The following TBC1D9 variants were observed in gnomAD, a reference collection of about 807,000 sequenced individuals.
The protein encoded by TBC1D9 is TBC1 domain family member 9A.
Under a neutral mutation model 132.0 loss-of-function variants are expected in TBC1D9, and 63 were observed. The ratio of observed to expected loss-of-function variants is 0.48; its 90% confidence interval spans 0.39 to 0.59. The LOEUF (loss-of-function observed/expected upper bound fraction) is 0.59, where lower values mean the gene tolerates loss of function less well. Ranked by LOEUF, TBC1D9 falls within the 20% of genes least tolerant of loss-of-function variation. The probability of loss-of-function intolerance (pLI) is 0.00; values close to 1 mark genes in which losing one functional copy is unlikely to be tolerated. For missense variants in TBC1D9, 1,261 were observed against 1,592.7 expected (o/e 0.79, Z 3.54); for synonymous variants, 610 against 609.9 (o/e 1.00, Z 0.00).
chr4:140,625,702 T>C (rs779496412), intron 18 of TBC1D9, among the ~76,000 whole-genome samples: 3 of 152,254 alleles, frequency 2.0e-5, no homozygotes, highest in Non-Finnish European at 4.4e-5. Flanking sequence ...TATATAGCCA[T>C]TTAAAAACCA....
rs562816316 is a variant in TBC1D9, at chr4:140,628,226, G to T, written c.2812+74C>A. 1.4e-4 allele frequency: 184 copies of T among 1,320,812 alleles called. No homozygotes were observed. In the African/African-American group the frequency reaches 2.3e-3, roughly 16 times the overall value. 81.8% of individuals were successfully genotyped at this position (1,320,812 alleles called of 1,614,324 possible). ...TGTATATCAAAAAGAGGACGATCAGGTTACACCTAAAACAGAGACTTCAAG... is the reference window on the plus strand; with the variant it reads ...TGTATATCAAAAAGAGGACGATCAGTTTACACCTAAAACAGAGACTTCAAG... On this transcript the variant is annotated intron_variant, in intron 17 of 20. Coordinates refer to ENST00000442267, the MANE Select transcript of TBC1D9 (RefSeq NM_015130.3).
At chr4:140,643,606 G>A in intron 13 of TBC1D9, 1 of 937,834 alleles carries the variant, frequency 1.1e-6, no homozygotes, top group Non-Finnish European at 1.6e-6. Flanking sequence ...CCTTCCTCCG[G>A]CGCTGCCTCT....
At chr4:140,676,181 A>G (rs541085521) in intron 6 of TBC1D9, among the ~76,000 whole-genome samples, 4 of 152,224 alleles carry the variant, frequency 2.6e-5, no homozygotes, top group Non-Finnish European at 5.9e-5. Context: ...TTGAAATCAC[A>G]TAAAGGATCT....
chr4:140,645,458 C>T lies in TBC1D9; in HGVS notation c.2338-6030G>A, dbSNP rs146916364. ...GCCTCTCTGGGTCGCGCTTCAGCTG[C>T]GGGCCCCTGCCCACTGCTATCATCT... On this transcript the variant is annotated intron_variant, in intron 13 of 20. Coordinates refer to ENST00000442267, the MANE Select transcript of TBC1D9 (RefSeq NM_015130.3). The T allele has an allele frequency of 4.4e-5, 18 of 412,934 alleles. No homozygotes were observed. In the East Asian group the frequency reaches 9.1e-4, roughly 21 times the overall value. 25.6% of individuals were successfully genotyped at this position (412,934 alleles called of 1,614,324 possible).
In TBC1D9 at chr4:140,696,560, T is replaced by C. The variant is rs891107170; in HGVS notation, c.241+4944A>G. On this transcript the variant is annotated intron_variant, in intron 2 of 20. Transcript: ENST00000442267. ...CACCCCGCTTTCTATATGATTCATA[T>C]TGCCGAGGGCCAGGTGCTTATTACA... Among the ~76,000 whole-genome samples, 11 of 151,912 alleles carry C rather than the reference T, an allele frequency of 7.2e-5. No individual in the cohort carries two copies. In the South Asian group the frequency reaches 1.2e-3, roughly 17 times the overall value.
intron 1 of TBC1D9, among the ~76,000 whole-genome samples, chr4:140,727,647 T>C (rs1738521370): frequency 1.3e-5 from 2 of 152,244 alleles, no homozygotes; most frequent in South Asian, 2.1e-4. Context: ...GAATGTGCTA[T>C]TCAGCAGATT....
chr4:140,737,915 A>C (rs540860305), intron 1 of TBC1D9, among the ~76,000 whole-genome samples: 31 of 152,186 alleles, frequency 2.0e-4, no homozygotes, highest in Non-Finnish European at 4.0e-4. Context: ...TAATTCCACC[A>C]ATCTTGTATA....
chr4:140,657,538 G>A lies in TBC1D9; in HGVS notation c.2196C>T (p.Thr732=), dbSNP rs769431834. 9.9e-6 allele frequency: 16 copies of A among 1,613,106 alleles called. No homozygotes were observed. In the Admixed American group the frequency reaches 1.8e-4, roughly 18 times the overall value. ...GCTTAGTACAATACCTTCCCAAAAC[G>A]GTCATGGCCTCCCCATCATCCTTGC... ...LNCKDDGEAM[T]VLGRYLDSVT... Residue 732 remains threonine, a synonymous_variant, in exon 12 of 21, where the codon ACC becomes ACT. Coordinates refer to ENST00000442267, the MANE Select transcript of TBC1D9 (RefSeq NM_015130.3).
chr4:140,627,342 A>T, intron 18 of TBC1D9, 99 bp downstream of exon 18: 1 of 757,468 alleles, frequency 1.3e-6, no homozygotes, highest in Non-Finnish European at 2.2e-6. Context: ...ATATTTACAT[A>T]CTTCTTTGAT....
chr4:140,679,959 C>A, intron 3 of TBC1D9, 116 bp from the exon 4 acceptor site: 1 of 772,988 alleles, frequency 1.3e-6, no homozygotes, highest in South Asian at 2.3e-5. Flanking sequence ...GAGGAATGCC[C>A]TTCAATGGCA....
chr4:140,630,525 G>C (rs1437542414), intron 16 of TBC1D9, among the ~76,000 whole-genome samples: 2 of 152,062 alleles, frequency 1.3e-5, no homozygotes, highest in Non-Finnish European at 2.9e-5. Context: ...CCTAAAATCT[G>C]TACTGACATA....
rs750988707 is a variant in TBC1D9 at position 140,628,385 on chromosome 4, C to A, written c.2747-20G>T. 31 of 1,605,376 alleles carry A rather than the reference C, an allele frequency of 1.9e-5. 1 individual carries two copies. In the Middle Eastern group the frequency reaches 4.5e-3, roughly 231 times the overall value. ...CAGCACCTAGAAGTCACATAAGTAC[C>A]AATGTGAAATGCATCACATGTGCTA... is the stretch of plus-strand genomic sequence containing the variant. On this transcript the variant is annotated intron_variant, in intron 16 of 20. Coordinates refer to ENST00000442267, the MANE Select transcript of TBC1D9 (RefSeq NM_015130.3).
chr4:140,686,097 G>A (rs1737774958), intron 3 of TBC1D9, among the ~76,000 whole-genome samples: 1 of 151,880 alleles, frequency 6.6e-6, no homozygotes, highest in South Asian at 2.1e-4. Context: ...ATGTACCCCA[G>A]AAATATGTAA....
At position 140,639,109 on chromosome 4, in the gene TBC1D9, C is replaced by T; in HGVS notation, c.2482G>A (p.Glu828Lys). Reference sequence around the variant, plus strand: ...ACCTTGAAAAGAGCATAAAGTTCTTCCAGCTCATCAATGGTAAAGGAAGTT... The same window carrying T: ...ACCTTGAAAAGAGCATAAAGTTCTTTCAGCTCATCAATGGTAAAGGAAGTT... ...TETSFTIDEL[E>K]ELYALFKAEH... Residue 828 changes from glutamate to lysine, a missense_variant, in exon 15 of 21, where the codon GAA (glutamate) becomes AAA (lysine). Physicochemically the swap from Glu to Lys is moderately conservative, Grantham distance 56. Around this residue, in one of 3 missense-constraint regions of TBC1D9, gnomAD observed 618 missense variants for 724.4 expected, o/e 0.85. Transcript: ENST00000442267. 6.3e-7 allele frequency: 1 copy of T among 1,591,320 alleles called. No homozygotes were observed. Among genetic ancestry groups the T allele is most frequent in the Non-Finnish European group, 8.6e-7 (1 of 1,167,788 alleles).
At chr4:140,727,790 G>A (rs552813255) in intron 1 of TBC1D9, among the ~76,000 whole-genome samples, 3 of 151,446 alleles carry the variant, frequency 2.0e-5, no homozygotes, top group Admixed American at 1.3e-4. Flanking sequence ...AATGAGTGAC[G>A]AATTAGCCAG....
At chr4:140,644,977 C>A in intron 13 of TBC1D9, 1 of 459,218 alleles carries the variant, frequency 2.2e-6, no homozygotes, top group Non-Finnish European at 4.4e-6. Context: ...GGGTGTCCGG[C>A]AAGCCACATG....
At chr4:140,745,504 C>T (rs567157182) in intron 1 of TBC1D9, among the ~76,000 whole-genome samples, 115 of 152,244 alleles carry the variant, frequency 7.6e-4, no homozygotes, top group African/African-American at 2.7e-3. Context: ...TTTGTGAAGA[C>T]GATGAGGACA....
intron 20 of TBC1D9, 58 bp downstream of exon 20, chr4:140,624,058 G>T: frequency 7.2e-7 from 1 of 1,381,200 alleles, no homozygotes; most frequent in Non-Finnish European, 1.0e-6. Context: ...TGACTTTTCA[G>T]TCATAGAAAA....
intron 16 of TBC1D9, among the ~76,000 whole-genome samples, chr4:140,631,078 C>T (rs1736787301): frequency 1.3e-5 from 2 of 152,350 alleles, no homozygotes; most frequent in Admixed American, 1.3e-4. Context: ...TTTCCATATA[C>T]TTTCACCTTT....
Sources: gnomAD v4.1 joint callset for allele counts (sites outside exome capture counted in the v4.1 genomes callset) on GRCh38, gnomAD v4.1.1 for gene constraint, gnomAD v4.1.1 regional missense constraint, MANE v1.5 for transcripts, NCBI Gene and HGNC (gene_info 2026-07-23, HGNC 2026-07-21) for gene names.